Variants in AFG1L observed in about 807,000 individuals in gnomAD.
AFG1L encodes the protein AFG1 like ATPase, also known as AFG1-like ATPase.
A neutral mutation model predicts 62.2 loss-of-function variants in AFG1L; 53 were observed. The observed-to-expected ratio is 0.85, with a 90% confidence interval of 0.68 to 1.07. The LOEUF (loss-of-function observed/expected upper bound fraction) is 1.07. AFG1L is among the 50% of genes least tolerant of loss of function. The probability of loss-of-function intolerance (pLI) is 0.00; values close to 1 mark genes in which losing one functional copy is unlikely to be tolerated. For synonymous variants in AFG1L, 228 were observed against 210.3 expected (o/e 1.08, Z -0.73); for missense variants, 555 against 590.5 (o/e 0.94, Z 0.62).
At chr6:108,403,614 C>T (rs1441792968) in intron 7 of AFG1L, among the ~76,000 whole-genome samples, 1 of 151,914 alleles carries the variant, frequency 6.6e-6, no homozygotes, top group African/African-American at 2.4e-5. Flanking sequence ...TTTCTCCATG[C>T]TAGGAATCCA....
chr6:108,330,175 C>CTT (rs1582384721), intron 2 of AFG1L, among the ~76,000 whole-genome samples: 6 of 123,202 alleles, frequency 4.9e-5, no homozygotes, highest in Non-Finnish European at 1.1e-4. Context: ...AAATAAATTC[C>CTT]TTTTTTATTT....
chr6:108,478,508 A>C (rs918749173), intron 10 of AFG1L, among the ~76,000 whole-genome samples: 5 of 152,220 alleles, frequency 3.3e-5, no homozygotes, highest in Non-Finnish European at 5.9e-5. Context: ...ACAGGGTGGT[A>C]ATGTTGATCT....
At chr6:108,396,326 A>T (rs1303602777) in intron 6 of AFG1L, among the ~76,000 whole-genome samples, 2 of 152,206 alleles carry the variant, frequency 1.3e-5, no homozygotes, top group Non-Finnish European at 1.5e-5. Flanking sequence ...GTGTATAAAT[A>T]TACCTACACT....
intron 7 of AFG1L, among the ~76,000 whole-genome samples, chr6:108,423,576 T>C (rs1252422049): frequency 6.6e-6 from 1 of 152,086 alleles, no homozygotes; most frequent in African/African-American, 2.4e-5. Flanking sequence ...ACAAAATACA[T>C]TGTATATTTA....
intron 6 of AFG1L, among the ~76,000 whole-genome samples, chr6:108,369,947 G>GATCTATCTCTCTATCTAT (rs1554189699): frequency 7.7e-6 from 1 of 130,154 alleles, no homozygotes; most frequent in Non-Finnish European, 1.6e-5. Flanking sequence ...TGGCTGGCTG[G>GATCTATCTCTCTATCTAT]CTATCTATCT....
intron 10 of AFG1L, among the ~76,000 whole-genome samples, chr6:108,509,242 G>A (rs1289545809): frequency 6.6e-6 from 1 of 152,164 alleles, no homozygotes; most frequent in Non-Finnish European, 1.5e-5. Context: ...GCACTTTTGT[G>A]AATAATATTG....
At chr6:108,434,835 A>T (rs546622224) in intron 7 of AFG1L, among the ~76,000 whole-genome samples, 1 of 152,304 alleles carries the variant, frequency 6.6e-6, no homozygotes, top group Admixed American at 6.5e-5. Flanking sequence ...TGCTGAACTA[A>T]TTTTAGATCC....
chr6:108,488,532 T>G (rs1290994886), intron 10 of AFG1L, among the ~76,000 whole-genome samples: 1 of 152,038 alleles, frequency 6.6e-6, no homozygotes, highest in East Asian at 1.9e-4. Context: ...CTCTTCCTTC[T>G]CTGAAGTTTT....
intron 1 of AFG1L, among the ~76,000 whole-genome samples, chr6:108,320,936 GT>G (rs1462076761): frequency 6.6e-6 from 1 of 152,182 alleles, no homozygotes; most frequent in African/African-American, 2.4e-5. Flanking sequence ...TCACCCTGAA[GT>G]TTCTCACTTG....
intron 11 of AFG1L, among the ~76,000 whole-genome samples, chr6:108,512,879 T>C (rs1174372746): frequency 6.6e-6 from 1 of 152,170 alleles, no homozygotes; most frequent in African/African-American, 2.4e-5. Context: ...CAGACATTAT[T>C]CTAGAATGTA....
chr6:108,297,988 C>G (rs1776836099), intron 1 of AFG1L, among the ~76,000 whole-genome samples: 1 of 151,712 alleles, frequency 6.6e-6, no homozygotes, highest in Admixed American at 6.6e-5. Flanking sequence ...GTTCTAGGCA[C>G]TTTGCTTGCA....
intron 2 of AFG1L, among the ~76,000 whole-genome samples, chr6:108,328,584 A>G (rs1047542496): frequency 2.6e-5 from 4 of 151,086 alleles, no homozygotes; most frequent in African/African-American, 9.7e-5. Flanking sequence ...TTTTTTTTTA[A>G]TAGAGATGGG....
At chr6:108,331,590 A>G (rs562583509) in intron 2 of AFG1L, among the ~76,000 whole-genome samples, 4 of 152,204 alleles carry the variant, frequency 2.6e-5, no homozygotes, top group African/African-American at 4.8e-5. Flanking sequence ...AACATTTATA[A>G]ACACTTTACT....
In AFG1L at chr6:108,510,225, G is replaced by C. The variant is rs1582684132; in HGVS notation, c.1076G>C (p.Ser359Thr). The C allele has an allele frequency of 6.2e-7, 1 of 1,606,148 alleles. No homozygotes were observed. The highest frequency in any genetic ancestry group is 1.7e-4 in the Middle Eastern group (1 of 6,032). ...EELCERPLGA[S>T]DYLELSKNFD... Reference sequence around the variant, plus strand: ...ATTTTATCATAGCCACTTGGAGCCAGTGACTATTTGGAACTATCAAAGAAT... The same window carrying C: ...ATTTTATCATAGCCACTTGGAGCCACTGACTATTTGGAACTATCAAAGAAT... Residue 359 changes from serine to threonine, a missense_variant, in exon 11 of 13, where the codon AGT becomes ACT. Transcript: ENST00000368977.
intron 6 of AFG1L, among the ~76,000 whole-genome samples, chr6:108,400,541 A>G (rs1245830797): frequency 7.1e-6 from 1 of 141,804 alleles, no homozygotes; most frequent in Non-Finnish European, 1.5e-5. Context: ...AATATATAAT[A>G]TAATTTGCAT....
At chr6:108,450,715 G>A (rs1174169875) in intron 8 of AFG1L, among the ~76,000 whole-genome samples, 3 of 152,164 alleles carry the variant, frequency 2.0e-5, no homozygotes, top group East Asian at 1.9e-4. Context: ...TTTTCTTCTA[G>A]CGTTTTTATG....
intron 1 of AFG1L, among the ~76,000 whole-genome samples, chr6:108,295,473 T>G (rs1011905567): frequency 6.6e-6 from 1 of 152,076 alleles, no homozygotes; most frequent in Admixed American, 6.6e-5. Context: ...TCCGGGACGT[T>G]TAGAGAGCTG....
chr6:108,412,249 G>A (rs1782152595), intron 7 of AFG1L, among the ~76,000 whole-genome samples: 1 of 152,192 alleles, frequency 6.6e-6, no homozygotes, highest in Admixed American at 6.5e-5. Flanking sequence ...AAGCCTCCAA[G>A]AAATATGGGA....
chr6:108,442,969 G>A (rs540070297), intron 7 of AFG1L, among the ~76,000 whole-genome samples: 5 of 152,282 alleles, frequency 3.3e-5, no homozygotes, highest in South Asian at 2.1e-4. Context: ...CAGCCCTTGC[G>A]TAACAGTACA....
Sources: allele counts gnomAD v4.1 joint callset (sites outside exome capture counted in the v4.1 genomes callset), GRCh38; gene constraint gnomAD v4.1.1; transcripts MANE v1.5; gene names NCBI Gene and HGNC (gene_info 2026-07-23, HGNC 2026-07-21).